The following CFAP74 variants were observed in gnomAD, a reference collection of about 807,000 sequenced individuals.
The protein encoded by CFAP74 is cilia and flagella associated protein 74.
A neutral mutation model predicts 188.9 loss-of-function variants in CFAP74; 124 were observed. That is an observed-to-expected ratio of 0.66 (90% confidence interval 0.57 to 0.76). The LOEUF (loss-of-function observed/expected upper bound fraction) is 0.76. Among genes scored for constraint, CFAP74 ranks in the 30% least tolerant of loss-of-function variants. The pLI is 0.00. For missense variants in CFAP74, 2,198 were observed against 2,165.2 expected (o/e 1.02, Z -0.30); for synonymous variants, 956 against 916.7 (o/e 1.04, Z -0.77).
Position 1,966,485 on chromosome 1 carries a change from C to G in CFAP74, c.1287G>C (p.Leu429=). 1 of 1,600,080 alleles carries G rather than the reference C, an allele frequency of 6.2e-7. No homozygotes were observed. Among genetic ancestry groups the G allele is most frequent in the South Asian group, 1.1e-5 (1 of 89,512 alleles). The change falls in exon 12 of 39, where the codon CTG becomes CTC. Residue 429 remains leucine, a synonymous_variant. Coordinates refer to ENST00000682832, the MANE Select transcript of CFAP74 (RefSeq NM_001304360.2). Reference sequence around the variant, plus strand: ...GGATAAGCTCACTGGAAACGACTTCCAGCAACCGAGAGGGCCCGGGGCCTG... The same window carrying G: ...GGATAAGCTCACTGGAAACGACTTCGAGCAACCGAGAGGGCCCGGGGCCTG... The part of the protein sequence containing the change: ...AAAGPGPSRL[L]EVVSSELIQG...
rs575613340 is a variant in CFAP74 at position 1,960,199 on chromosome 1, C to T, written c.1695-169G>A. 1,016 of 617,006 alleles carry T rather than the reference C, an allele frequency of 1.6e-3. 1 individual carries two copies. The highest frequency in any genetic ancestry group is 3.4e-3 in the Admixed American group (98 of 28,480). The allele number at this position is 617,006 out of a possible 1,614,324, so 38.2% of individuals were successfully genotyped here. The stretch of plus-strand genomic sequence containing the variant: ...GGGAGTGCTGGATCTGCTGCATTCC[C>T]TGCTGCCGCCAGTACCTGGCAGGCA... On this transcript the variant is annotated intron_variant, in intron 14 of 38. Transcript: ENST00000682832.
intron 2 of CFAP74, among the ~76,000 whole-genome samples, chr1:1,990,491 G>A (rs952120907): frequency 6.6e-6 from 1 of 151,982 alleles, no homozygotes; most frequent in Non-Finnish European, 1.5e-5. Flanking sequence ...AAGGAAATGC[G>A]TTCCCAGATT....
intron 15 of CFAP74, 70 bp from the exon 16 acceptor site, chr1:1,959,279 CAG>C: frequency 9.1e-7 from 1 of 1,102,176 alleles, no homozygotes; most frequent in Non-Finnish European, 1.4e-6. Context: ...TTTTTTTGGA[CAG>C]GGTCTGGCTC....
intron 1 of CFAP74, among the ~76,000 whole-genome samples, chr1:1,994,562 T>G (rs1349668749): frequency 6.6e-6 from 1 of 152,238 alleles, no homozygotes; most frequent in East Asian, 1.9e-4. Context: ...AAGAACTGAT[T>G]AAGCTGCTAG....
intron 11 of CFAP74, among the ~76,000 whole-genome samples, chr1:1,967,366 C>T (rs777087337): frequency 8.8e-5 from 13 of 148,330 alleles, no homozygotes; most frequent in Non-Finnish European, 1.2e-4. Context: ...ACGGGGCCAG[C>T]GCATTGCTGT....
intron 1 of CFAP74, among the ~76,000 whole-genome samples, chr1:2,001,396 G>C (rs1335992408): frequency 6.6e-6 from 1 of 151,776 alleles, no homozygotes; most frequent in Non-Finnish European, 1.5e-5. Flanking sequence ...GTGGCGCAGG[G>C]TCGGCTCACT....
chr1:1,955,330 TAAC>T, intron 18 of CFAP74: 6 of 1,315,904 alleles, frequency 4.6e-6, no homozygotes, highest in Non-Finnish European at 6.0e-6. Context: ...GGTGCGCGTC[TAAC>T]AACAGCCACA....
rs751793401 is a variant in CFAP74, at chr1:1,926,977, C to T, written c.3579G>A (p.Ala1193=). The change falls in exon 29 of 39, where the codon GCG becomes GCA. Residue 1193 remains alanine, a synonymous_variant. Transcript: ENST00000682832. The part of the protein sequence containing the change: ...ARATLLRAFQ[A]KFDTFVVPCV... ...AGGGAACTACAAATGTGTCAAACTT[C>T]GCCTGGAACGCTCTGAGCAGGGTGG... The T allele has an allele frequency of 8.4e-6, 13 of 1,550,178 alleles. No individual in the cohort carries two copies. The highest frequency in any genetic ancestry group is 7.1e-5 in the South Asian group (6 of 84,066).
At chr1:1,976,188 C>T (rs752144020) in intron 6 of CFAP74, among the ~76,000 whole-genome samples, 25 of 152,230 alleles carry the variant, frequency 1.6e-4, no homozygotes, top group South Asian at 4.1e-4. Flanking sequence ...CTCTTCCTGC[C>T]GTCACCTCCA....
At chr1:1,952,858 A>C (rs533921441) in intron 18 of CFAP74, among the ~76,000 whole-genome samples, 1 of 152,026 alleles carries the variant, frequency 6.6e-6, no homozygotes, top group Admixed American at 6.5e-5. Context: ...GAGTCTCCCT[A>C]TGTTTCCCAG....
At chr1:1,964,805 G>A (rs1261071860) in intron 13 of CFAP74, 83 bp downstream of exon 13, 1 of 1,483,504 alleles carries the variant, frequency 6.7e-7, no homozygotes, top group Non-Finnish European at 9.3e-7. Flanking sequence ...AAAGCAAAAG[G>A]TGTCAGGGGT....
Position 2,002,352 on chromosome 1 carries a change from AT to A in CFAP74, c.-20+1348del, listed in dbSNP as rs1247038061. 8.6e-5 allele frequency among the ~76,000 whole-genome samples: 13 copies of A among 151,526 alleles called. No homozygotes were observed. In the East Asian group the frequency reaches 2.1e-3, roughly 25 times the overall value. ...TATAATACCACACATATTCTTTAAA[AT>A]TTTATATAAATAAATTTATATAAAA... On this transcript the variant is annotated intron_variant, in intron 1 of 38. Transcript: ENST00000682832.
intron 18 of CFAP74, chr1:1,955,172 A>C (rs1558021769): frequency 7.8e-7 from 1 of 1,286,424 alleles, no homozygotes; most frequent in Admixed American, 2.3e-5. Context: ...CAGGAGGAGG[A>C]CGGAGGTTTC....
intron 25 of CFAP74, among the ~76,000 whole-genome samples, chr1:1,938,145 A>T (rs58072704): frequency 2.7e-5 from 4 of 150,122 alleles, no homozygotes; most frequent in African/African-American, 9.9e-5. Flanking sequence ...GCTCACACAT[A>T]CATGCACTCA....
At chr1:1,948,431 A>G (rs996752327) in intron 18 of CFAP74, among the ~76,000 whole-genome samples, 6 of 149,612 alleles carry the variant, frequency 4.0e-5, no homozygotes, top group Admixed American at 4.0e-4. Context: ...ATATATATTT[A>G]TGTGTATATT....
chr1:1,978,518 A>G (rs2102089845), intron 6 of CFAP74, among the ~76,000 whole-genome samples: 1 of 152,262 alleles, frequency 6.6e-6, no homozygotes, highest in East Asian at 1.9e-4. Context: ...CTGAAGAGCC[A>G]GTGTGGTCAG....
At chr1:1,976,034 A>G (rs1656417269) in intron 6 of CFAP74, among the ~76,000 whole-genome samples, 1 of 152,212 alleles carries the variant, frequency 6.6e-6, no homozygotes, top group Non-Finnish European at 1.5e-5. Context: ...TCGATGGCCT[A>G]TGAAAGCCTG....
chr1:1,985,528 C>T lies in CFAP74; in HGVS notation c.396-38G>A, dbSNP rs751269693. On this transcript the variant is annotated intron_variant, in intron 5 of 38. Transcript: ENST00000682832. ...ACGGACAGGCCGGGCGTGTGTCAGG[C>T]CTCAGTCATCCAGGGGCCATCCAGG... The T allele has an allele frequency of 3.9e-6, 6 of 1,535,970 alleles. No homozygotes were observed. The East Asian group carries it at 1.4e-4, about 35-fold the overall frequency.
At chr1:1,937,710 G>A (rs908300857) in intron 25 of CFAP74, among the ~76,000 whole-genome samples, 1 of 152,102 alleles carries the variant, frequency 6.6e-6, no homozygotes, top group Non-Finnish European at 1.5e-5. Context: ...AACCCACGCA[G>A]GACCACCAGC....
Sources: allele counts gnomAD v4.1 joint callset (sites outside exome capture counted in the v4.1 genomes callset), GRCh38; gene constraint gnomAD v4.1.1; transcripts MANE v1.5; gene names NCBI Gene and HGNC (gene_info 2026-07-23, HGNC 2026-07-21).